The following LNP1 variants were observed in gnomAD, a reference collection of about 807,000 sequenced individuals.
LNP1 encodes leukemia NUP98 fusion partner 1.
LNP1 carries 12 observed loss-of-function variants against 14.5 expected under a neutral mutation model. The ratio of observed to expected loss-of-function variants is 0.83; its 90% confidence interval spans 0.53 to 1.34. The LOEUF is 1.34. Among genes scored for constraint, LNP1 ranks in the 40% most tolerant of loss-of-function variants. LNP1 has a pLI of 0.00. For synonymous variants in LNP1, 75 were observed against 71.4 expected (o/e 1.05, Z -0.26); for missense variants, 198 against 210.9 (o/e 0.94, Z 0.38).
chr3:100,404,432 A>C (rs1706944286), intron 1 of LNP1, among the ~76,000 whole-genome samples: 1 of 152,196 alleles, frequency 6.6e-6, no homozygotes, highest in Non-Finnish European at 1.5e-5. Context: ...TGAGCACTTG[A>C]AATGTAGTGT....
rs955119660 is a variant in LNP1, at chr3:100,453,739, T to C, written c.387+1790T>C. Among the ~76,000 whole-genome samples the C allele has an allele frequency of 9.2e-5, 14 of 152,244 alleles. No homozygotes were observed. In the South Asian group the frequency reaches 2.9e-3, roughly 32 times the overall value. On this transcript the variant is annotated intron_variant, in intron 3 of 3. Transcript: ENST00000383693. ...CCTCCAAATGTTAACATGTCCCTAT[T>C]TGCCTACACTATCTCTCCTTTTCCC...
intron 2 of LNP1, among the ~76,000 whole-genome samples, chr3:100,439,106 A>G (rs1173540041): frequency 6.6e-6 from 1 of 152,202 alleles, no homozygotes; most frequent in Non-Finnish European, 1.5e-5. Flanking sequence ...AGGAGTTTTA[A>G]GTACACACTT....
In LNP1 at chr3:100,401,633, A is replaced by G. The variant is rs1246520307; in HGVS notation, c.-840A>G. The G allele has an allele frequency of 1.3e-5, 2 of 152,574 alleles. No homozygotes were observed. 9.5% of individuals were successfully genotyped at this position (152,574 alleles called of 1,614,324 possible). A position where few individuals can be genotyped will look rare whatever the true frequency, so the allele number is the denominator to read the frequency against. On this transcript the variant is annotated 5_prime_UTR_variant, in exon 1 of 4. Coordinates refer to ENST00000383693, the MANE Select transcript of LNP1 (RefSeq NM_001085451.2). Reference sequence around the variant, plus strand: ...GTGCCCGAGAAACCAACGGATTAGAAGGACTTTTAAAGATGTGTGAGGAAA... The same window carrying G: ...GTGCCCGAGAAACCAACGGATTAGAGGGACTTTTAAAGATGTGTGAGGAAA...
Position 100,403,731 on chromosome 3 carries a change from G to A in LNP1, c.-34+1292G>A, listed in dbSNP as rs1411148838. Among the ~76,000 whole-genome samples, 123 of 152,198 alleles carry A rather than the reference G, an allele frequency of 8.1e-4. 1 individual carries two copies. The highest frequency in any genetic ancestry group is 4.4e-5 in the Non-Finnish European group (3 of 68,038). On this transcript the variant is annotated intron_variant, in intron 1 of 3. Transcript: ENST00000383693. The stretch of plus-strand genomic sequence containing the variant: ...TGGGAATACAGGCATAAGCCACCAT[G>A]CCCAGCTGACCTGAATTCTTATTCT...
Position 100,455,861 on chromosome 3 carries a change from A to G in LNP1, c.472A>G (p.Ser158Gly), listed in dbSNP as rs1389966887. 6.2e-7 allele frequency: 1 copy of G among 1,613,916 alleles called. No homozygotes were observed. Among genetic ancestry groups the G allele is most frequent in the Non-Finnish European group, 8.5e-7 (1 of 1,179,772 alleles). The stretch of plus-strand genomic sequence containing the variant: ...CCGAAAGAAAGTAGAGGAAGAAAGG[A>G]GCTCTAGGAAAGAAGAGCATGGAGA... Reference protein sequence around the residue: ...KSRKKVEEERSSRKEEHGEAH... With the variant: ...KSRKKVEEERGSRKEEHGEAH... The change falls in exon 4 of 4, where the codon AGC becomes GGC. Residue 158 changes from serine (S) to glycine (G), a missense_variant. Coordinates refer to ENST00000383693, the MANE Select transcript of LNP1 (RefSeq NM_001085451.2).
chr3:100,417,371 CTTTTTTTTTTTTT>C (rs562000656), intron 1 of LNP1, among the ~76,000 whole-genome samples: 2 of 64,628 alleles, frequency 3.1e-5, no homozygotes, highest in Admixed American at 2.5e-4. Context: ...TTTCTTTTTT[CTTTTTTTTTTTTT>C]TTTTTTTTTC....
chr3:100,414,133 T>G (rs1707057564), intron 1 of LNP1, among the ~76,000 whole-genome samples: 1 of 152,200 alleles, frequency 6.6e-6, no homozygotes, highest in African/African-American at 2.4e-5. Flanking sequence ...TTATTACATA[T>G]CATAATTTTG....
At chr3:100,449,860 G>A (rs1337322316) in intron 2 of LNP1, among the ~76,000 whole-genome samples, 1 of 152,070 alleles carries the variant, frequency 6.6e-6, no homozygotes, top group Non-Finnish European at 1.5e-5. Context: ...TATCAAACCA[G>A]AAAGGGCTTT....
At chr3:100,406,276 A>G (rs1344392030) in intron 1 of LNP1, among the ~76,000 whole-genome samples, 1 of 151,906 alleles carries the variant, frequency 6.6e-6, no homozygotes, top group Non-Finnish European at 1.5e-5. Flanking sequence ...ACAGAGTGAG[A>G]TGCCGCCTCA....
chr3:100,419,371 C>A (rs1258734989), intron 1 of LNP1, among the ~76,000 whole-genome samples: 1 of 152,118 alleles, frequency 6.6e-6, no homozygotes. Context: ...TCCCATGCAT[C>A]CTTCACCTAC....
intron 2 of LNP1, among the ~76,000 whole-genome samples, chr3:100,441,875 G>A (rs1295304829): frequency 6.6e-6 from 1 of 152,012 alleles, no homozygotes; most frequent in Admixed American, 6.6e-5. Flanking sequence ...ATGCTGGCCA[G>A]GCTGGTCTCA....
At chr3:100,437,482 T>G (rs2148905289) in intron 2 of LNP1, among the ~76,000 whole-genome samples, 1 of 152,336 alleles carries the variant, frequency 6.6e-6, no homozygotes, top group South Asian at 2.1e-4. Context: ...AAAAGTTATT[T>G]TACTGATTAG....
intron 1 of LNP1, among the ~76,000 whole-genome samples, chr3:100,425,406 T>G (rs887646625): frequency 6.6e-6 from 1 of 152,236 alleles, no homozygotes; most frequent in Admixed American, 6.5e-5. Flanking sequence ...GGCCAGTTGC[T>G]GCTATCTCAT....
intron 3 of LNP1, among the ~76,000 whole-genome samples, chr3:100,453,529 C>T (rs951185170): frequency 8.1e-5 from 12 of 148,630 alleles, no homozygotes; most frequent in East Asian, 2.0e-4. Flanking sequence ...TTGAGACTGC[C>T]GTCAGCTATG....
At chr3:100,415,852 A>C (rs1707078816) in intron 1 of LNP1, among the ~76,000 whole-genome samples, 1 of 152,198 alleles carries the variant, frequency 6.6e-6, no homozygotes, top group African/African-American at 2.4e-5. Context: ...TGCTATCCAA[A>C]TCACAAATCC....
intron 2 of LNP1, among the ~76,000 whole-genome samples, chr3:100,445,258 G>A (rs192584891): frequency 2.7e-4 from 41 of 152,246 alleles, no homozygotes; most frequent in African/African-American, 6.0e-4. Flanking sequence ...TAGACAGGGC[G>A]AGACTCTCTC....
chr3:100,442,078 T>C (rs1707349031), intron 2 of LNP1, among the ~76,000 whole-genome samples: 2 of 152,246 alleles, frequency 1.3e-5, no homozygotes, highest in East Asian at 1.9e-4. Flanking sequence ...TTTACCCTTA[T>C]ATTTCCTAAA....
At chr3:100,409,545 T>C (rs549951996) in intron 1 of LNP1, among the ~76,000 whole-genome samples, 1 of 137,706 alleles carries the variant, frequency 7.3e-6, no homozygotes, top group East Asian at 2.1e-4. Flanking sequence ...TCTCTCTCTA[T>C]ATATATATAC....
At chr3:100,417,316 C>T (rs145540295) in intron 1 of LNP1, among the ~76,000 whole-genome samples, 1,731 of 149,302 alleles carry the variant, frequency 0.012, 32 homozygotes, top group African/African-American at 0.041. Flanking sequence ...GGTTGTATGA[C>T]GATATTTTCA....
Sources: allele counts gnomAD v4.1 joint callset (sites outside exome capture counted in the v4.1 genomes callset), GRCh38; gene constraint gnomAD v4.1.1; transcripts MANE v1.5; gene names NCBI Gene and HGNC (gene_info 2026-07-23, HGNC 2026-07-21).